SULF1: variants seen among roughly 807,000 people sequenced by gnomAD.
The protein encoded by SULF1 is sulfatase 1.
In SULF1, 46 loss-of-function variants were observed where a neutral mutation model predicts 110.5. That is an observed-to-expected ratio of 0.42 (90% CI 0.33 to 0.53). SULF1 has a LOEUF of 0.53. SULF1 is among the 20% of genes least tolerant of loss of function. SULF1 has a pLI of 0.12. For synonymous variants in SULF1, 371 were observed against 387.1 expected (o/e 0.96, Z 0.49); for missense variants, 941 against 1,094.2 (o/e 0.86, Z 1.98).
intron 22 of SULF1, among the ~76,000 whole-genome samples, chr8:69,644,694 G>A (rs1811747099): frequency 6.6e-6 from 1 of 151,024 alleles, no homozygotes. Flanking sequence ...CCGGGAGGCG[G>A]AGCTTGCAGT....
intron 22 of SULF1, among the ~76,000 whole-genome samples, chr8:69,641,410 G>A (rs1433027351): frequency 6.6e-6 from 1 of 152,142 alleles, no homozygotes; most frequent in Admixed American, 6.5e-5. Flanking sequence ...GGTGAATAAC[G>A]AGAAGGTGCT....
At chr8:69,633,011 G>A (rs183107548) in intron 19 of SULF1, among the ~76,000 whole-genome samples, 1 of 148,780 alleles carries the variant, frequency 6.7e-6, no homozygotes, top group Non-Finnish European at 1.5e-5. Flanking sequence ...GAGTGAGACC[G>A]CATGTCAGAA....
intron 3 of SULF1, among the ~76,000 whole-genome samples, chr8:69,548,516 C>T (rs893773436): frequency 2.0e-5 from 3 of 149,970 alleles, no homozygotes; most frequent in African/African-American, 4.9e-5. Flanking sequence ...GGCATGATCT[C>T]GGCTCACTGC....
At chr8:69,630,352 C>G (rs1225709895) in intron 19 of SULF1, among the ~76,000 whole-genome samples, 1 of 152,148 alleles carries the variant, frequency 6.6e-6, no homozygotes, top group Non-Finnish European at 1.5e-5. Flanking sequence ...TTGAAGCTTA[C>G]CAGCCTATAG....
rs1415216545 is a variant in SULF1 at position 69,586,523 on chromosome 8, C to G, written c.564+15C>G. 1 of 1,604,548 alleles carries G rather than the reference C, an allele frequency of 6.2e-7. No homozygotes were observed. The highest frequency in any genetic ancestry group is 8.5e-7 in the Non-Finnish European group (1 of 1,178,468). ...ATTATGCAAAGGTAATTTTCAGGCA[C>G]TTTTACACTGCATCAATTTACTTTG... is the stretch of plus-strand genomic sequence containing the variant. On this transcript the variant is annotated intron_variant, in intron 7 of 22. Coordinates refer to ENST00000402687, the MANE Select transcript of SULF1 (RefSeq NM_001128205.2).
At chr8:69,585,272 C>G (rs1391951171) in intron 6 of SULF1, among the ~76,000 whole-genome samples, 5 of 152,204 alleles carry the variant, frequency 3.3e-5, no homozygotes, top group African/African-American at 1.2e-4. Flanking sequence ...ATGTGTGTGG[C>G]TGGAGTGACT....
intron 3 of SULF1, among the ~76,000 whole-genome samples, chr8:69,511,262 C>G (rs1331101350): frequency 6.6e-6 from 1 of 152,124 alleles, no homozygotes; most frequent in Non-Finnish European, 1.5e-5. Flanking sequence ...TTTTAATTTT[C>G]TAATTTTTGT....
At chr8:69,555,020 A>G (rs946771551) in intron 3 of SULF1, among the ~76,000 whole-genome samples, 3 of 149,764 alleles carry the variant, frequency 2.0e-5, no homozygotes, top group Non-Finnish European at 4.4e-5. Context: ...AACTTCATAC[A>G]TAAACTGATC....
intron 8 of SULF1, among the ~76,000 whole-genome samples, chr8:69,596,822 C>T (rs759977770): frequency 4.6e-5 from 7 of 152,180 alleles, no homozygotes; most frequent in Admixed American, 2.6e-4. Context: ...AAGGGATAAG[C>T]TCTTTTCCAG....
At chr8:69,526,467 A>G (rs1387016790) in intron 3 of SULF1, among the ~76,000 whole-genome samples, 1 of 151,982 alleles carries the variant, frequency 6.6e-6, no homozygotes, top group African/African-American at 2.4e-5. Flanking sequence ...CCTAAAGCTT[A>G]TAGAAAAAGG....
intron 1 of SULF1, among the ~76,000 whole-genome samples, chr8:69,482,570 ATC>A (rs1809554715): frequency 6.6e-6 from 1 of 151,948 alleles, no homozygotes; most frequent in African/African-American, 2.4e-5. Flanking sequence ...ATTTTATAAA[ATC>A]TCTGTTTGTA....
chr8:69,545,636 T>G (rs1814204177), intron 3 of SULF1, among the ~76,000 whole-genome samples: 1 of 152,168 alleles, frequency 6.6e-6, no homozygotes, highest in Non-Finnish European at 1.5e-5. Flanking sequence ...CTCTTTTATT[T>G]CTTTTGTCTT....
At chr8:69,474,170 G>T (rs1345730037) in intron 1 of SULF1, among the ~76,000 whole-genome samples, 1 of 152,120 alleles carries the variant, frequency 6.6e-6, no homozygotes. Flanking sequence ...TTAATTTAAA[G>T]TAAAACTAAA....
chr8:69,621,338 AT>A, intron 14 of SULF1, 87 bp downstream of exon 14: 1 of 888,956 alleles, frequency 1.1e-6, no homozygotes, highest in Non-Finnish European at 1.6e-6. Flanking sequence ...CTCCTTCTAC[AT>A]TTTAGATATT....
At chr8:69,513,656 A>T (rs892645415) in intron 3 of SULF1, among the ~76,000 whole-genome samples, 3 of 152,208 alleles carry the variant, frequency 2.0e-5, no homozygotes, top group African/African-American at 7.2e-5. Flanking sequence ...GAGGTAATTT[A>T]ATTTGAACAA....
At position 69,638,838 on chromosome 8, in the gene SULF1, G is replaced by A. The variant is rs139106228; in HGVS notation, c.2531G>A (p.Arg844Lys). 8.9e-4 allele frequency: 1,429 copies of A among 1,608,976 alleles called. 1 individual carries two copies. The highest frequency in any genetic ancestry group is 1.1e-3 in the Non-Finnish European group (1,296 of 1,178,868). Reference sequence around the variant, plus strand: ...CAAGGATATAAGCAGTGCAACCCAAGACCTAAGAATCTTGATGTTGGTAAG... The same window carrying A: ...CAAGGATATAAGCAGTGCAACCCAAAACCTAAGAATCTTGATGTTGGTAAG... ...SCQGYKQCNP[R>K]PKNLDVGNKD... The change falls in exon 21 of 23, where the codon AGA becomes AAA. Residue 844 changes from arginine (R) to lysine (K), a missense_variant. Arg to Lys is a conservative substitution (Grantham distance 26, BLOSUM62 2). Transcript: ENST00000402687.
chr8:69,528,843 G>C (rs1036323873), intron 3 of SULF1, among the ~76,000 whole-genome samples: 5 of 152,234 alleles, frequency 3.3e-5, no homozygotes, highest in Middle Eastern at 3.4e-3. Flanking sequence ...TTCCCTGTCT[G>C]TTTTAGGTTT....
At chr8:69,487,599 T>G (rs1466379682) in intron 1 of SULF1, among the ~76,000 whole-genome samples, 1 of 152,232 alleles carries the variant, frequency 6.6e-6, no homozygotes, top group African/African-American at 2.4e-5. Flanking sequence ...AGAGGTCTGA[T>G]GAGCAACAGA....
Position 69,611,151 on chromosome 8 carries a change from G to T in SULF1, c.1377+6219G>T, listed in dbSNP as rs547022675. On this transcript the variant is annotated intron_variant, in intron 13 of 22. Transcript: ENST00000402687. ...GCCTCAGTTTCTTCATCTGTAAAAT[G>T]GGCATCATATAGTTCTTGCCTCATA... 3.0e-4 allele frequency among the ~76,000 whole-genome samples: 46 copies of T among 152,336 alleles called. 1 individual carries two copies. The South Asian group carries it at 9.1e-3, about 30-fold the overall frequency.
Sources: allele counts gnomAD v4.1 joint callset (sites outside exome capture counted in the v4.1 genomes callset), GRCh38; gene constraint gnomAD v4.1.1; transcripts MANE v1.5; gene names NCBI Gene and HGNC (gene_info 2026-07-23, HGNC 2026-07-21).